Variants in NMNAT2 observed in about 807,000 individuals in gnomAD.
The protein encoded by NMNAT2 is nicotinamide/nicotinic acid mononucleotide adenylyltransferase 2.
In NMNAT2, 11 loss-of-function variants were observed where a neutral mutation model predicts 41.6. That is an observed-to-expected ratio of 0.26 (90% CI 0.17 to 0.44). The LOEUF (loss-of-function observed/expected upper bound fraction) is 0.44. Ranked by LOEUF, NMNAT2 falls within the 20% of genes least tolerant of loss-of-function variation. NMNAT2 has a pLI of 1.00. For synonymous variants in NMNAT2, 148 were observed against 151.2 expected (o/e 0.98, Z 0.16); for missense variants, 288 against 407.7 (o/e 0.71, Z 2.53).
intron 7 of NMNAT2, among the ~76,000 whole-genome samples, chr1:183,282,157 C>T (rs1661288139): frequency 6.6e-6 from 1 of 152,218 alleles, no homozygotes. Context: ...TTCTCTACCC[C>T]ACACTGTCCT....
At chr1:183,341,729 A>AAAAAAAAAAAC (rs1662813462) in intron 1 of NMNAT2, among the ~76,000 whole-genome samples, 1 of 134,220 alleles carries the variant, frequency 7.5e-6, no homozygotes, top group Non-Finnish European at 1.6e-5. Flanking sequence ...AAACACCAAA[A>AAAAAAAAAAAC]AAAAAAAAAA....
At position 183,351,032 on chromosome 1, in the gene NMNAT2, C is replaced by G. The variant is rs184813236; in HGVS notation, c.86-57239G>C. 3.9e-4 allele frequency among the ~76,000 whole-genome samples: 60 copies of G among 152,284 alleles called. 2 individuals carry two copies. In the East Asian group the frequency reaches 0.011, roughly 27 times the overall value. On this transcript the variant is annotated intron_variant, in intron 1 of 10. Coordinates refer to ENST00000287713, the MANE Select transcript of NMNAT2 (RefSeq NM_015039.4). ...TTGCGAGGTCCCAGAGAACTGTGTC[C>G]CATCACCGTTATTAGCCAATCTATC...
intron 1 of NMNAT2, among the ~76,000 whole-genome samples, chr1:183,331,842 C>G (rs1230880099): frequency 1.3e-5 from 2 of 152,182 alleles, no homozygotes; most frequent in Admixed American, 1.3e-4. Flanking sequence ...GGCTGGAGTA[C>G]AGTGGTGCAA....
chr1:183,330,382 G>T (rs486589), intron 1 of NMNAT2, among the ~76,000 whole-genome samples: 3,702 of 152,272 alleles, frequency 0.024, 145 homozygotes, highest in African/African-American at 0.084. Flanking sequence ...TTGAGCAGAG[G>T]CCCTCAACAC....
intron 1 of NMNAT2, among the ~76,000 whole-genome samples, chr1:183,344,920 G>A (rs1031440186): frequency 1.1e-4 from 16 of 152,266 alleles, no homozygotes; most frequent in African/African-American, 3.9e-4. Flanking sequence ...TCCCCATCCG[G>A]GGGCCAATTC....
At chr1:183,290,264 G>A in intron 3 of NMNAT2, 58 bp from the exon 4 acceptor site, 1 of 1,369,164 alleles carries the variant, frequency 7.3e-7, no homozygotes, top group South Asian at 1.3e-5. Context: ...TTTCCTTATT[G>A]TTACCTTCCA....
intron 1 of NMNAT2, among the ~76,000 whole-genome samples, chr1:183,374,835 G>A (rs1663636115): frequency 6.6e-6 from 1 of 152,156 alleles, no homozygotes; most frequent in Admixed American, 6.5e-5. Flanking sequence ...CACACTGAGT[G>A]TCACTTCCCC....
intron 1 of NMNAT2, among the ~76,000 whole-genome samples, chr1:183,327,762 G>C (rs773433051): frequency 1.3e-5 from 2 of 152,182 alleles, no homozygotes; most frequent in Non-Finnish European, 2.9e-5. Flanking sequence ...TGGGAGTGAT[G>C]CCTGGAGAAT....
intron 8 of NMNAT2, among the ~76,000 whole-genome samples, chr1:183,263,846 T>C (rs1283169318): frequency 3.3e-5 from 5 of 152,114 alleles, no homozygotes; most frequent in Non-Finnish European, 4.4e-5. Flanking sequence ...AGAATTTTGT[T>C]TGAGGGGCTG....
intron 1 of NMNAT2, among the ~76,000 whole-genome samples, chr1:183,369,490 G>A (rs1663486291): frequency 1.3e-5 from 2 of 151,876 alleles, no homozygotes; most frequent in South Asian, 4.2e-4. Context: ...TGTTAGCCAG[G>A]ATGGTCTCGA....
At chr1:183,368,436 C>T (rs185033014) in intron 1 of NMNAT2, among the ~76,000 whole-genome samples, 4 of 152,140 alleles carry the variant, frequency 2.6e-5, no homozygotes, top group Non-Finnish European at 5.9e-5. Context: ...CTCTTTTGAG[C>T]TCCTGAGGCC....
At chr1:183,403,334 A>G (rs1315837425) in intron 1 of NMNAT2, among the ~76,000 whole-genome samples, 1 of 152,246 alleles carries the variant, frequency 6.6e-6, no homozygotes, top group East Asian at 1.9e-4. Context: ...AAAAATGTTT[A>G]ATCGCAATAG....
chr1:183,409,960 G>A (rs571204016), intron 1 of NMNAT2, among the ~76,000 whole-genome samples: 1 of 152,256 alleles, frequency 6.6e-6, no homozygotes, highest in African/African-American at 2.4e-5. Context: ...TCTCACTTAT[G>A]TATTTCCTCA....
At chr1:183,364,344 G>A (rs1035706825) in intron 1 of NMNAT2, among the ~76,000 whole-genome samples, 2 of 152,182 alleles carry the variant, frequency 1.3e-5, no homozygotes, top group African/African-American at 2.4e-5. Context: ...GGTAGGACTT[G>A]CAGGAATGGC....
chr1:183,401,427 G>A (rs1203092807), intron 1 of NMNAT2, among the ~76,000 whole-genome samples: 1 of 152,200 alleles, frequency 6.6e-6, no homozygotes, highest in East Asian at 1.9e-4. Flanking sequence ...AGGTGCTGGA[G>A]AGGATGTGGA....
rs532526632 is a variant in NMNAT2 at position 183,399,738 on chromosome 1, G to T, written c.85+18445C>A. On this transcript the variant is annotated intron_variant, in intron 1 of 10. Coordinates refer to ENST00000287713, the MANE Select transcript of NMNAT2 (RefSeq NM_015039.4). Reference sequence around the variant, plus strand: ...CATGATCAAGTTGGCTTCATCCCTGGGATGCAAGGCTGGCTCAACATACGC... The same window carrying T: ...CATGATCAAGTTGGCTTCATCCCTGTGATGCAAGGCTGGCTCAACATACGC... 3.8e-4 allele frequency among the ~76,000 whole-genome samples: 58 copies of T among 152,246 alleles called. No homozygotes were observed. The South Asian group carries it at 0.012, about 32-fold the overall frequency.
chr1:183,258,069 A>G (rs1203855961), intron 10 of NMNAT2, among the ~76,000 whole-genome samples: 2 of 152,132 alleles, frequency 1.3e-5, no homozygotes, highest in Admixed American at 1.3e-4. Context: ...ATTCTCTTCC[A>G]GGGATTTTTG....
intron 1 of NMNAT2, among the ~76,000 whole-genome samples, chr1:183,333,294 T>C (rs1365293677): frequency 6.6e-6 from 1 of 152,176 alleles, no homozygotes; most frequent in Non-Finnish European, 1.5e-5. Flanking sequence ...ATCTCTACTA[T>C]GGTAGGCAGA....
chr1:183,357,520 C>T (rs1420482784), intron 1 of NMNAT2, among the ~76,000 whole-genome samples: 3 of 152,120 alleles, frequency 2.0e-5, no homozygotes, highest in African/African-American at 7.2e-5. Flanking sequence ...TGAGCCACCA[C>T]GCCCGGCTGA....
Sources: gnomAD v4.1 joint callset for allele counts (sites outside exome capture counted in the v4.1 genomes callset) on GRCh38, gnomAD v4.1.1 for gene constraint, MANE v1.5 for transcripts, NCBI Gene and HGNC (gene_info 2026-07-23, HGNC 2026-07-21) for gene names.